The following ELAC1 variants were observed in gnomAD, a reference collection of about 807,000 sequenced individuals.
ELAC1 encodes zinc phosphodiesterase ELAC protein 1.
A neutral mutation model predicts 25.8 loss-of-function variants in ELAC1; 19 were observed. That is an observed-to-expected ratio of 0.74 (90% CI 0.51 to 1.08). The LOEUF is 1.08. Among genes scored for constraint, ELAC1 ranks in the 50% least tolerant of loss-of-function variants. The pLI, the probability that ELAC1 is intolerant of heterozygous loss-of-function variation, is 0.00. For missense variants in ELAC1, 403 were observed against 434.6 expected (o/e 0.93, Z 0.65); for synonymous variants, 148 against 160.9 (o/e 0.92, Z 0.61).
intron 1 of ELAC1, 24 bp downstream of exon 1, chr18:50,968,138 A>C (rs908473774): frequency 6.6e-6 from 1 of 151,852 alleles, no homozygotes; most frequent in African/African-American, 2.4e-5. Flanking sequence ...GGCATACCAG[A>C]GGGGGGCGGG....
chr18:50,975,724 G>T (rs540223349), intron 2 of ELAC1, among the ~76,000 whole-genome samples: 17 of 152,152 alleles, frequency 1.1e-4, no homozygotes, highest in Admixed American at 9.8e-4. Context: ...GATACTTCTA[G>T]TGTTCAGGGA....
intron 3 of ELAC1, among the ~76,000 whole-genome samples, chr18:50,985,159 T>C (rs758295437): frequency 2.0e-5 from 3 of 152,126 alleles, no homozygotes; most frequent in Admixed American, 6.5e-5. Flanking sequence ...GTTGGCAAGG[T>C]GATTTGGGTG....
Position 50,987,079 on chromosome 18 carries a change from G to C in ELAC1, c.1086G>C (p.Lys362Asn). 7.8e-6 allele frequency: 12 copies of C among 1,534,354 alleles called. No homozygotes were observed. The highest frequency in any genetic ancestry group is 1.1e-5 in the Non-Finnish European group (12 of 1,139,872). Residue 362 changes from lysine (K) to asparagine (N), a missense_variant, in exon 4 of 4, where the codon AAG becomes AAC. Transcript: ENST00000269466. Reference protein sequence around the residue: ...EDFMVISIPIKK With the variant: ...EDFMVISIPINK ...TTATGGTGATAAGCATTCCAATCAA[G>C]AAATGAAACCAGTGTTCCTGAGTGC...
At chr18:50,980,729 C>T (rs1388981871) in intron 2 of ELAC1, among the ~76,000 whole-genome samples, 1 of 147,868 alleles carries the variant, frequency 6.8e-6, no homozygotes, top group African/African-American at 2.5e-5. Flanking sequence ...TGCCACTGCA[C>T]TCTAGCCTGG....
chr18:50,983,470 T>G (rs1908014295), intron 2 of ELAC1, among the ~76,000 whole-genome samples: 1 of 152,114 alleles, frequency 6.6e-6, no homozygotes, highest in Non-Finnish European at 1.5e-5. Context: ...CTGGCCTACT[T>G]GTTTTTTTAT....
rs1431294081 is a variant in ELAC1, at chr18:50,986,824, C to T, written c.831C>T (p.Thr277=). Residue 277 remains threonine, a synonymous_variant, in exon 4 of 4, where the codon ACC becomes ACT. Transcript: ENST00000269466. ...CAGACCTGTTGATCCACGAAGCAAC[C>T]CTGGATGATGCCCAGATGGACAAAG... ...FEADLLIHEA[T]LDDAQMDKAK... 6.2e-7 allele frequency: 1 copy of T among 1,613,932 alleles called. No homozygotes were observed. The highest frequency in any genetic ancestry group is 1.3e-5 in the African/African-American group (1 of 74,872).
chr18:50,974,695 T>C (rs1384223504), intron 2 of ELAC1, 134 bp downstream of exon 2: 5 of 778,630 alleles, frequency 6.4e-6, no homozygotes, highest in East Asian at 5.7e-5. Context: ...CTGGTGAGAC[T>C]TGGAAGGCCT....
At chr18:50,973,312 A>G (rs1289100714) in intron 1 of ELAC1, among the ~76,000 whole-genome samples, 3 of 152,212 alleles carry the variant, frequency 2.0e-5, no homozygotes, top group Admixed American at 2.0e-4. Flanking sequence ...ATTTCAGTTC[A>G]TTCTAATATA....
At chr18:50,977,010 C>T (rs1400462671) in intron 2 of ELAC1, among the ~76,000 whole-genome samples, 1 of 152,238 alleles carries the variant, frequency 6.6e-6, no homozygotes, top group East Asian at 1.9e-4. Context: ...ACATCCAGGG[C>T]ATGCTGATGC....
chr18:50,985,639 T>C (rs922348700), intron 3 of ELAC1, among the ~76,000 whole-genome samples: 3 of 152,242 alleles, frequency 2.0e-5, no homozygotes, highest in Non-Finnish European at 2.9e-5. Context: ...TTATGTGATC[T>C]CTTCCTCAAC....
chr18:50,979,822 G>A (rs1369086182), intron 2 of ELAC1, among the ~76,000 whole-genome samples: 1 of 152,064 alleles, frequency 6.6e-6, no homozygotes, highest in Non-Finnish European at 1.5e-5. Flanking sequence ...TGCCTCCCAG[G>A]TTGAAGTGAT....
At chr18:50,979,893 A>AT (rs962120439) in intron 2 of ELAC1, among the ~76,000 whole-genome samples, 27 of 151,180 alleles carry the variant, frequency 1.8e-4, no homozygotes, top group African/African-American at 4.6e-4. Context: ...CACCTGGCTA[A>AT]TTTTTTTTTG....
At position 50,986,928 on chromosome 18, in the gene ELAC1, C is replaced by G. The variant is rs1568189429; in HGVS notation, c.935C>G (p.Thr312Ser). The G allele has an allele frequency of 6.2e-7, 1 of 1,613,930 alleles. No individual in the cohort carries two copies. ...KLCRAKRLVLTHFSQRYKPVA... is the reference protein window; with the variant it reads ...KLCRAKRLVLSHFSQRYKPVA... The stretch of plus-strand genomic sequence containing the variant: ...TGCCGTGCAAAGAGGCTGGTTCTGA[C>G]TCACTTCAGTCAGAGGTACAAACCA... The change falls in exon 4 of 4, where the codon ACT (threonine) becomes AGT (serine). Residue 312 changes from threonine (T) to serine (S), a missense_variant. By Grantham distance (58) the Thr-to-Ser change is moderately conservative (BLOSUM62 1). Transcript: ENST00000269466.
Position 50,986,998 on chromosome 18 carries a change from A to G in ELAC1, c.1005A>G (p.Leu335=), listed in dbSNP as rs780836441. The change falls in exon 4 of 4, where the codon CTA becomes CTG. Residue 335 remains leucine (L), a synonymous_variant. Transcript: ENST00000269466. The part of the protein sequence containing the change: ...REGETDGIAE[L]KKQAESVLDL... ...GAGAAACAGATGGCATTGCAGAACT[A>G]AAAAAGCAAGCTGAATCAGTGTTAG... 3 of 1,612,972 alleles carry G rather than the reference A, an allele frequency of 1.9e-6. No homozygotes were observed. Among genetic ancestry groups the G allele is most frequent in the East Asian group, 2.2e-5 (1 of 44,868 alleles).
chr18:50,984,508 A>G lies in ELAC1; in HGVS notation c.570A>G (p.Ser190=). The change falls in exon 3 of 4, where the codon TCA becomes TCG. Residue 190 remains serine (S), a synonymous_variant. Coordinates refer to ENST00000269466, the MANE Select transcript of ELAC1 (RefSeq NM_018696.3). The stretch of plus-strand genomic sequence containing the variant: ...ACAGAATTCCCTCATTTGGGTTTTC[A>G]GTCGTGGAAAAGAAACGCCCAGGTA... The part of the protein sequence containing the change: ...LFHRIPSFGF[S]VVEKKRPGKL... 6.2e-7 allele frequency: 1 copy of G among 1,612,118 alleles called. No individual in the cohort carries two copies. Among genetic ancestry groups the G allele is most frequent in the Non-Finnish European group, 8.5e-7 (1 of 1,178,858 alleles).
intron 2 of ELAC1, among the ~76,000 whole-genome samples, chr18:50,982,826 A>G (rs1252702484): frequency 6.7e-6 from 1 of 150,216 alleles, no homozygotes. Flanking sequence ...TCCCTCTCCT[A>G]CCTCCCTTCT....
At chr18:50,971,346 T>G (rs1328146385) in intron 1 of ELAC1, among the ~76,000 whole-genome samples, 1 of 152,182 alleles carries the variant, frequency 6.6e-6, no homozygotes, top group Non-Finnish European at 1.5e-5. Context: ...CTAGCATTGC[T>G]CTATTGATAT....
At chr18:50,972,631 C>T (rs1212126385) in intron 1 of ELAC1, among the ~76,000 whole-genome samples, 2 of 152,026 alleles carry the variant, frequency 1.3e-5, no homozygotes, top group East Asian at 1.9e-4. Flanking sequence ...TACAGGTGTG[C>T]GCCAGCATGC....
intron 2 of ELAC1, among the ~76,000 whole-genome samples, chr18:50,978,211 A>G (rs1907846243): frequency 6.6e-6 from 1 of 152,118 alleles, no homozygotes; most frequent in Non-Finnish European, 1.5e-5. Context: ...CCTGCTACCC[A>G]GTTCCAAAGT....
Sources: allele counts gnomAD v4.1 joint callset (sites outside exome capture counted in the v4.1 genomes callset), GRCh38; gene constraint gnomAD v4.1.1; transcripts MANE v1.5; gene names NCBI Gene and HGNC (gene_info 2026-07-23, HGNC 2026-07-21).